CACNA2D3: variants seen among roughly 807,000 people sequenced by gnomAD.
The protein encoded by CACNA2D3 is calcium voltage-gated channel auxiliary subunit alpha2delta 3, also known as voltage-dependent calcium channel subunit alpha-2/delta-3.
Under a neutral mutation model 160.6 loss-of-function variants are expected in CACNA2D3, and 60 were observed. That is an observed-to-expected ratio of 0.37 (90% CI 0.30 to 0.46). The LOEUF (loss-of-function observed/expected upper bound fraction) is 0.46, where lower values mean the gene tolerates loss of function less well. CACNA2D3 is among the 20% of genes least tolerant of loss of function. The pLI is 1.00. For synonymous variants in CACNA2D3, 558 were observed against 492.9 expected, an observed-to-expected ratio of 1.13 and a Z score of -1.75; for missense variants, 1,205 against 1,365.0, an observed-to-expected ratio of 0.88 and a Z score of 1.85.
At chr3:54,736,096 T>TCTAC (rs1701515265) in intron 11 of CACNA2D3, among the ~76,000 whole-genome samples, 1 of 19,650 alleles carries the variant, frequency 5.1e-5, no homozygotes, top group African/African-American at 2.3e-4. Flanking sequence ...TGTGTATATA[T>TCTAC]ATACATATAT....
At chr3:54,543,821 A>G (rs891566329) in intron 5 of CACNA2D3, among the ~76,000 whole-genome samples, 1 of 152,224 alleles carries the variant, frequency 6.6e-6, no homozygotes, top group Non-Finnish European at 1.5e-5. Context: ...GAGGGTCCTC[A>G]ATATATTCAC....
intron 2 of CACNA2D3, among the ~76,000 whole-genome samples, chr3:54,269,270 G>A (rs988365838): frequency 2.6e-5 from 4 of 151,940 alleles, no homozygotes. Flanking sequence ...TGTCCGAGGG[G>A]AGGAAATATT....
chr3:54,337,118 G>A (rs9818348), intron 3 of CACNA2D3, among the ~76,000 whole-genome samples: 84,539 of 152,018 alleles, frequency 0.56, 24,074 homozygotes, highest in Non-Finnish European at 0.63. Flanking sequence ...CCGCACACAC[G>A]GTGGTAGGCA....
chr3:54,467,094 C>T (rs1178320617), intron 4 of CACNA2D3, among the ~76,000 whole-genome samples: 1 of 152,004 alleles, frequency 6.6e-6, no homozygotes, highest in Non-Finnish European at 1.5e-5. Flanking sequence ...GGATTTTTTC[C>T]ATATCAGACA....
chr3:54,148,067 G>A (rs1700069791), intron 2 of CACNA2D3, among the ~76,000 whole-genome samples: 1 of 152,254 alleles, frequency 6.6e-6, no homozygotes, highest in South Asian at 2.1e-4. Context: ...AAAGTGCTGG[G>A]ATTACAGGCG....
chr3:54,605,534 G>A (rs1182088871), intron 9 of CACNA2D3, among the ~76,000 whole-genome samples: 1 of 151,898 alleles, frequency 6.6e-6, no homozygotes, highest in Non-Finnish European at 1.5e-5. Flanking sequence ...AACCACAGCA[G>A]CCCATGCTCC....
intron 4 of CACNA2D3, among the ~76,000 whole-genome samples, chr3:54,466,743 G>A (rs928753579): frequency 7.2e-5 from 11 of 152,204 alleles, no homozygotes; most frequent in South Asian, 6.2e-4. Context: ...TCTAGGCTGC[G>A]TTGAGTTTTG....
intron 3 of CACNA2D3, among the ~76,000 whole-genome samples, chr3:54,336,004 CA>C (rs60465412): frequency 0.018 from 1,335 of 74,508 alleles, 11 homozygotes; most frequent in East Asian, 0.11. Flanking sequence ...GACTCCGTCT[CA>C]AAAAAAAAAA....
intron 11 of CACNA2D3, among the ~76,000 whole-genome samples, chr3:54,737,456 A>G (rs1354486679): frequency 1.3e-5 from 2 of 152,126 alleles, no homozygotes; most frequent in African/African-American, 4.8e-5. Context: ...AATATGTGCA[A>G]AGGCCCTGTG....
chr3:54,380,414 G>A (rs894739415), intron 3 of CACNA2D3, among the ~76,000 whole-genome samples: 3 of 152,188 alleles, frequency 2.0e-5, no homozygotes, highest in African/African-American at 7.2e-5. Context: ...CACACTGATG[G>A]ACAAATGGTG....
chr3:54,493,297 G>T (rs564239000), intron 4 of CACNA2D3, among the ~76,000 whole-genome samples: 111 of 152,022 alleles, frequency 7.3e-4, no homozygotes, highest in African/African-American at 2.6e-3. Context: ...GGCTGGTCTC[G>T]AACTCTTGAG....
chr3:54,811,445 G>C (rs182509763), intron 13 of CACNA2D3, among the ~76,000 whole-genome samples: 4 of 137,670 alleles, frequency 2.9e-5, no homozygotes, highest in Admixed American at 2.3e-4. Flanking sequence ...CCAGTGTGCT[G>C]ATCCTGTTCT....
chr3:55,061,772 C>G (rs915161173), intron 35 of CACNA2D3, among the ~76,000 whole-genome samples: 1 of 152,210 alleles, frequency 6.6e-6, no homozygotes, highest in Non-Finnish European at 1.5e-5. Context: ...GTACCCATCT[C>G]TGAACCCATT....
intron 27 of CACNA2D3, among the ~76,000 whole-genome samples, chr3:54,945,468 A>G (rs1162905556): frequency 1.3e-5 from 2 of 152,192 alleles, no homozygotes; most frequent in African/African-American, 4.8e-5. Context: ...GGAGCCAATG[A>G]GTGTCTCCAG....
Position 54,785,893 on chromosome 3 carries a change from T to C in CACNA2D3, c.1380+21542T>C, listed in dbSNP as rs562150657. Among the ~76,000 whole-genome samples, 3 of 152,320 alleles carry C rather than the reference T, an allele frequency of 2.0e-5. No individual in the cohort carries two copies. In the South Asian group the frequency reaches 6.2e-4, roughly 32 times the overall value. On this transcript the variant is annotated intron_variant, in intron 13 of 37. Transcript: ENST00000474759. Reference sequence around the variant, plus strand: ...ATCATTAGCAATGTGCCATCTACCCTGTCTCCTGCCTGGAACATCCCTGCA... The same window carrying C: ...ATCATTAGCAATGTGCCATCTACCCCGTCTCCTGCCTGGAACATCCCTGCA...
chr3:54,910,109 A>G (rs1289681656), intron 27 of CACNA2D3, among the ~76,000 whole-genome samples: 3 of 152,186 alleles, frequency 2.0e-5, no homozygotes, highest in African/African-American at 7.2e-5. Context: ...GTTAGGATCA[A>G]TGCCTGAATG....
intron 13 of CACNA2D3, among the ~76,000 whole-genome samples, chr3:54,795,326 A>G (rs959004661): frequency 1.3e-5 from 2 of 152,042 alleles, no homozygotes; most frequent in African/African-American, 4.8e-5. Flanking sequence ...CTTTTATTAA[A>G]TTTTAGCAGC....
chr3:55,074,081 T>A, intron 37 of CACNA2D3, 33 bp from the exon 38 acceptor site: 1 of 1,573,582 alleles, frequency 6.4e-7, no homozygotes, highest in Non-Finnish European at 8.8e-7. Context: ...TGGAGTCTAT[T>A]TCCGTCTAAC....
At chr3:54,289,550 A>C (rs1370142638) in intron 2 of CACNA2D3, among the ~76,000 whole-genome samples, 1 of 152,144 alleles carries the variant, frequency 6.6e-6, no homozygotes, top group East Asian at 1.9e-4. Context: ...AGAATTGGAA[A>C]AAACTACTTT....
Sources: allele counts gnomAD v4.1 joint callset (sites outside exome capture counted in the v4.1 genomes callset), GRCh38; gene constraint gnomAD v4.1.1; transcripts MANE v1.5; gene names NCBI Gene and HGNC (gene_info 2026-07-23, HGNC 2026-07-21).